Variants in PARVB observed in about 807,000 individuals in gnomAD.
PARVB encodes the protein parvin beta, also known as beta-parvin.
PARVB carries 46 observed loss-of-function variants against 47.0 expected under a neutral mutation model. The observed-to-expected ratio is 0.98, with a 90% CI of 0.77 to 1.25. The LOEUF is 1.25. Among genes scored for constraint, PARVB ranks in the 50% most tolerant of loss-of-function variants. The pLI is 0.00. For synonymous variants in PARVB, 196 were observed against 196.3 expected (o/e 1.00, Z 0.01); for missense variants, 473 against 471.6 (o/e 1.00, Z -0.03).
At chr22:44,057,233 T>G (rs929654858) in intron 1 of PARVB, among the ~76,000 whole-genome samples, 3 of 152,144 alleles carry the variant, frequency 2.0e-5, no homozygotes, top group Non-Finnish European at 4.4e-5. Context: ...AATTATTTTT[T>G]AAAAATGTGA....
At chr22:44,006,285 C>T (rs1435173272) in intron 2 of PARVB, among the ~76,000 whole-genome samples, 1 of 137,512 alleles carries the variant, frequency 7.3e-6, no homozygotes, top group African/African-American at 2.8e-5. Context: ...ATCCTAGCAT[C>T]TTACGCCACT....
At chr22:44,002,007 GTTTCCCTCC>G (rs3083324) in intron 2 of PARVB, among the ~76,000 whole-genome samples, 95,275 of 151,572 alleles carry the variant, frequency 0.63, 30,781 homozygotes, top group East Asian at 0.83. Flanking sequence ...TGGCATTTGT[GTTTCCCTCC>G]CCAAGCACAG....
intron 1 of PARVB, among the ~76,000 whole-genome samples, chr22:44,073,655 C>T (rs975481342): frequency 2.6e-5 from 4 of 152,210 alleles, no homozygotes; most frequent in South Asian, 2.1e-4. Context: ...AGGTGGGGCC[C>T]GCTTGCCCCC....
intron 1 of PARVB, among the ~76,000 whole-genome samples, chr22:44,053,582 C>T (rs1052164957): frequency 3.3e-5 from 5 of 152,144 alleles, no homozygotes; most frequent in South Asian, 2.1e-4. Flanking sequence ...TTTTCCTGCA[C>T]CAACTGGCGG....
intron 1 of PARVB, 150 bp downstream of exon 1, chr22:44,024,601 T>G: frequency 3.5e-6 from 1 of 289,572 alleles, no homozygotes; most frequent in Non-Finnish European, 5.6e-6. Context: ...GGCCAGGCCT[T>G]TGACCCAGGA....
chr22:44,154,234 TAG>T (rs1171899830), intron 10 of PARVB, among the ~76,000 whole-genome samples: 5 of 152,168 alleles, frequency 3.3e-5, no homozygotes, highest in Non-Finnish European at 7.4e-5. Flanking sequence ...TCGTACTATA[TAG>T]AGTCTTAAAA....
intron 8 of PARVB, chr22:44,140,718 T>C (rs1033715283): frequency 2.4e-6 from 1 of 413,202 alleles, no homozygotes; most frequent in African/African-American, 2.0e-5. Context: ...CTGCTGTGAG[T>C]ATTGGGTGAG....
intron 1 of PARVB, among the ~76,000 whole-genome samples, chr22:44,074,473 C>T (rs2051723521): frequency 6.6e-6 from 1 of 152,208 alleles, no homozygotes; most frequent in African/African-American, 2.4e-5. Flanking sequence ...CCAGCCAGAG[C>T]CTAGTGCCAC....
Position 44,132,937 on chromosome 22 carries a change from C to G in PARVB, c.561C>G (p.Val187=), listed in dbSNP as rs753805422. Residue 187 remains valine (V), a synonymous_variant, in exon 6 of 13, where the codon GTC becomes GTG. Transcript: ENST00000338758. ...KNLVAILHLL[V]SLAMHFRAPI... ...TGGTGGCCATCCTCCACCTGCTGGT[C>G]TCTCTGGCCATGCACTTCAGGGCCC... 3.1e-6 allele frequency: 5 copies of G among 1,614,082 alleles called. No individual in the cohort carries two copies. The highest frequency in any genetic ancestry group is 3.4e-6 in the Non-Finnish European group (4 of 1,179,982).
At chr22:44,030,794 A>G (rs1218982972) in intron 1 of PARVB, among the ~76,000 whole-genome samples, 1 of 151,986 alleles carries the variant, frequency 6.6e-6, no homozygotes, top group Non-Finnish European at 1.5e-5. Flanking sequence ...TCTCTTTTGG[A>G]CGATTTTTCA....
rs1450746759 is a variant in PARVB, at chr22:44,103,720, C to T, written c.273+3597C>T. 2.0e-5 allele frequency: 3 copies of T among 152,248 alleles called. No individual in the cohort carries two copies. The highest frequency in any genetic ancestry group is 7.2e-5 in the African/African-American group (3 of 41,452). 9.4% of individuals were successfully genotyped at this position (152,248 alleles called of 1,614,324 possible). ...AGGGACATGGGGAGCTTTGACTGCC[C>T]ATGAACATGGCAGCTTGACCCTGGA... On this transcript the variant is annotated intron_variant, in intron 3 of 12. Coordinates refer to ENST00000338758, the MANE Select transcript of PARVB (RefSeq NM_013327.5). The surrounding 1 kb of genome is among the most constrained non-coding windows in gnomAD (Gnocchi z 4.6).
At chr22:44,101,965 A>C (rs569230101) in intron 3 of PARVB, among the ~76,000 whole-genome samples, 1 of 152,316 alleles carries the variant, frequency 6.6e-6, no homozygotes, top group East Asian at 1.9e-4. Flanking sequence ...ATGCATGAGA[A>C]TTATCAGGCT....
intron 2 of PARVB, 70 bp from the exon 3 acceptor site, chr22:44,099,983 C>T (rs1018514548): frequency 1.6e-6 from 2 of 1,272,950 alleles, no homozygotes; most frequent in Admixed American, 1.7e-5. Context: ...ATGAGTTGGC[C>T]TCCCCCTGGT....
intron 1 of PARVB, among the ~76,000 whole-genome samples, chr22:44,054,487 A>C (rs1312035289): frequency 6.6e-6 from 1 of 151,840 alleles, no homozygotes; most frequent in East Asian, 1.9e-4. Context: ...AAGTGCTCAG[A>C]TTACAGCATG....
intron 1 of PARVB, among the ~76,000 whole-genome samples, chr22:44,047,389 A>T (rs1601523983): frequency 1.3e-5 from 2 of 152,214 alleles, no homozygotes. Flanking sequence ...GGGCTGTGGC[A>T]CCAAGGCACC....
chr22:44,157,638 G>C (rs1569161157), intron 10 of PARVB, among the ~76,000 whole-genome samples: 1 of 152,172 alleles, frequency 6.6e-6, no homozygotes, highest in Non-Finnish European at 1.5e-5. Context: ...CAGCACTTTG[G>C]GAGGCTGAGG....
rs116813212 is a variant in PARVB at position 44,117,495 on chromosome 22, C to T, written c.274-1543C>T. On this transcript the variant is annotated intron_variant, in intron 3 of 12. Transcript: ENST00000338758. ...TGCCAGCCACCTCGCAGAGAGAGCC[C>T]GGGGTGGAAGCAGGGTAGTTGGTGC... Among the ~76,000 whole-genome samples the T allele has an allele frequency of 2.7e-3, 412 of 152,246 alleles. 4 individuals carry two copies. Among genetic ancestry groups the T allele is most frequent in the African/African-American group, 9.3e-3 (387 of 41,536 alleles).
intron 6 of PARVB, among the ~76,000 whole-genome samples, chr22:44,134,832 A>G (rs537176439): frequency 3.9e-5 from 6 of 152,332 alleles, no homozygotes; most frequent in Admixed American, 2.0e-4. Context: ...CTGAGCTGCA[A>G]TGCTTTTCCC....
At chr22:44,023,542 TAAAA>T (rs1258410324), upstream of PARVB, among the ~76,000 whole-genome samples, 6 of 82,586 alleles carry the variant, frequency 7.3e-5, 1 homozygote, top group South Asian at 8.6e-4. Flanking sequence ...CAAAACAAAA[TAAAA>T]TAAAATAAAA....
Sources: gnomAD v4.1 joint callset for allele counts (sites outside exome capture counted in the v4.1 genomes callset) on GRCh38, gnomAD v4.1.1 for gene constraint, Gnocchi (gnomAD v3.1) non-coding constraint, MANE v1.5 for transcripts, NCBI Gene and HGNC (gene_info 2026-07-23, HGNC 2026-07-21) for gene names.